Variants in CLSTN2 observed in about 807,000 individuals in gnomAD.
The protein encoded by CLSTN2 is calsyntenin-2.
In CLSTN2, 48 loss-of-function variants were observed where a neutral mutation model predicts 101.2. The observed-to-expected ratio is 0.47, with a 90% CI of 0.38 to 0.60. The LOEUF is 0.60. Ranked by LOEUF, CLSTN2 falls within the 20% of genes least tolerant of loss-of-function variation. The pLI is 0.00. For synonymous variants in CLSTN2, 481 were observed against 463.6 expected (o/e 1.04, Z -0.48); for missense variants, 1,160 against 1,238.2 (o/e 0.94, Z 0.95).
chr3:140,242,839 C>T (rs1184599785), intron 2 of CLSTN2, among the ~76,000 whole-genome samples: 6 of 152,138 alleles, frequency 3.9e-5, no homozygotes, highest in Non-Finnish European at 1.5e-5. Context: ...AGGAACACTG[C>T]ACCGTTATGG....
intron 2 of CLSTN2, among the ~76,000 whole-genome samples, chr3:140,326,680 G>A (rs143350257): frequency 5.3e-5 from 8 of 152,100 alleles, no homozygotes; most frequent in Non-Finnish European, 1.0e-4. Context: ...TTTTTGTCCT[G>A]CTATCTCCTG....
chr3:140,476,216 C>T (rs1933980082), intron 8 of CLSTN2, among the ~76,000 whole-genome samples: 2 of 152,158 alleles, frequency 1.3e-5, no homozygotes, highest in South Asian at 4.1e-4. Context: ...TATGTAATGG[C>T]CAATTCGTTG....
At chr3:140,148,389 A>AT (rs1484917144) in intron 1 of CLSTN2, among the ~76,000 whole-genome samples, 2 of 152,056 alleles carry the variant, frequency 1.3e-5, no homozygotes, top group Non-Finnish European at 2.9e-5. Context: ...ATGTTCAACC[A>AT]TTTTTTTGTT....
chr3:140,480,729 C>T (rs1056865737), intron 8 of CLSTN2, among the ~76,000 whole-genome samples: 4 of 152,182 alleles, frequency 2.6e-5, no homozygotes, highest in African/African-American at 9.7e-5. Context: ...TGTCTTTTGC[C>T]TGCATAAATG....
At chr3:140,252,106 G>C (rs2086569899) in intron 2 of CLSTN2, among the ~76,000 whole-genome samples, 1 of 152,144 alleles carries the variant, frequency 6.6e-6, no homozygotes, top group Non-Finnish European at 1.5e-5. Flanking sequence ...TATTTATAAA[G>C]AAATGTTTGG....
intron 8 of CLSTN2, among the ~76,000 whole-genome samples, chr3:140,519,557 G>A (rs1019379989): frequency 6.6e-6 from 1 of 152,086 alleles, no homozygotes; most frequent in Non-Finnish European, 1.5e-5. Context: ...AGCTCTTCTT[G>A]TTGAATTGAA....
At chr3:140,386,820 T>G (rs1244482316) in intron 2 of CLSTN2, among the ~76,000 whole-genome samples, 1 of 152,126 alleles carries the variant, frequency 6.6e-6, no homozygotes, top group Non-Finnish European at 1.5e-5. Context: ...CAGCTATAAT[T>G]TTTACAGACA....
chr3:140,070,616 C>T (rs1222037683), intron 1 of CLSTN2, among the ~76,000 whole-genome samples: 1 of 149,348 alleles, frequency 6.7e-6, no homozygotes, highest in Admixed American at 6.6e-5. Context: ...AGATTTGATA[C>T]TTAAAAATGT....
intron 2 of CLSTN2, among the ~76,000 whole-genome samples, chr3:140,345,519 G>A (rs2087537783): frequency 1.3e-5 from 2 of 151,826 alleles, no homozygotes; most frequent in African/African-American, 4.8e-5. Context: ...CAAAGTGTTG[G>A]GATTACAGCC....
chr3:140,206,143 G>A (rs1386270160), intron 2 of CLSTN2, among the ~76,000 whole-genome samples: 1 of 152,220 alleles, frequency 6.6e-6, no homozygotes, highest in Non-Finnish European at 1.5e-5. Flanking sequence ...GAGATCTAGA[G>A]CTGTAAACAA....
At chr3:140,250,612 G>A (rs192380123) in intron 2 of CLSTN2, among the ~76,000 whole-genome samples, 2 of 152,184 alleles carry the variant, frequency 1.3e-5, no homozygotes, top group African/African-American at 4.8e-5. Flanking sequence ...CCCTGCAAGT[G>A]CCTCAGCCCC....
chr3:140,131,363 TATGCTTTGTTGCTTCTACAGAAC>T (rs1305663819), intron 1 of CLSTN2, among the ~76,000 whole-genome samples: 1 of 152,184 alleles, frequency 6.6e-6, no homozygotes, highest in Non-Finnish European at 1.5e-5. Context: ...AATTTCTTTT[TATGCTTTGTTGCTTCTACAGAAC>T]ATGCTCTGTA....
intron 8 of CLSTN2, chr3:140,505,717 C>G (rs1178811695): frequency 1.3e-5 from 2 of 152,160 alleles, no homozygotes; most frequent in African/African-American, 4.8e-5. Context: ...TGAGATTACT[C>G]TGTTATTTTT....
intron 5 of CLSTN2, among the ~76,000 whole-genome samples, chr3:140,445,363 T>G (rs1315232654): frequency 6.6e-6 from 1 of 152,224 alleles, no homozygotes; most frequent in Non-Finnish European, 1.5e-5. Flanking sequence ...GCCTGCAGCC[T>G]CTGCTGAATA....
At chr3:139,945,620 C>T (rs1935203192) in intron 1 of CLSTN2, among the ~76,000 whole-genome samples, 1 of 152,152 alleles carries the variant, frequency 6.6e-6, no homozygotes, top group South Asian at 2.1e-4. Context: ...GCAGCAGTTG[C>T]AGGCCCATAA....
At chr3:139,974,521 G>A (rs1380172319) in intron 1 of CLSTN2, among the ~76,000 whole-genome samples, 1 of 152,172 alleles carries the variant, frequency 6.6e-6, no homozygotes, top group African/African-American at 2.4e-5. Flanking sequence ...AAGGGGAGAT[G>A]GGGTGTCTGG....
intron 2 of CLSTN2, among the ~76,000 whole-genome samples, chr3:140,272,006 G>T (rs565067325): frequency 8.3e-4 from 127 of 152,308 alleles, no homozygotes; most frequent in Non-Finnish European, 1.5e-3. Flanking sequence ...GATAATAGCG[G>T]TGTTTAGAGC....
intron 1 of CLSTN2, among the ~76,000 whole-genome samples, chr3:140,115,907 G>A (rs2009233694): frequency 6.6e-6 from 1 of 152,202 alleles, no homozygotes. Context: ...GGGCTCCGTT[G>A]TTAGGCTAAG....
At chr3:140,265,893 GA>G (rs1216029050) in intron 2 of CLSTN2, among the ~76,000 whole-genome samples, 2 of 152,164 alleles carry the variant, frequency 1.3e-5, no homozygotes, top group Non-Finnish European at 2.9e-5. Flanking sequence ...GATAAATTCA[GA>G]AAGCATCCCT....
Sources: gnomAD v4.1 joint callset for allele counts (sites outside exome capture counted in the v4.1 genomes callset) on GRCh38, gnomAD v4.1.1 for gene constraint, MANE v1.5 for transcripts, NCBI Gene and HGNC (gene_info 2026-07-23, HGNC 2026-07-21) for gene names.